OR4E2: variants seen among roughly 807,000 people sequenced by gnomAD.
OR4E2 encodes the protein olfactory receptor 4E2.
A neutral mutation model predicts 11.0 loss-of-function variants in OR4E2; 9 were observed. That is an observed-to-expected ratio of 0.82 (90% CI 0.49 to 1.43). OR4E2 has a LOEUF of 1.43. Ranked by LOEUF, OR4E2 falls within the 40% of genes most tolerant of loss-of-function variation. The probability of loss-of-function intolerance (pLI) is 0.00; values close to 1 mark genes in which losing one functional copy is unlikely to be tolerated. For synonymous variants in OR4E2, 159 were observed against 147.3 expected (o/e 1.08, Z -0.57); for missense variants, 441 against 382.0 (o/e 1.15, Z -1.29).
At chr14:21,659,175 A>G (rs1370350495) in intron 2 of OR4E2, among the ~76,000 whole-genome samples, 2 of 152,012 alleles carry the variant, frequency 1.3e-5, no homozygotes, top group African/African-American at 4.8e-5. Context: ...AGCTAGGACT[A>G]TAGACATGTG....
intron 1 of OR4E2, among the ~76,000 whole-genome samples, chr14:21,654,914 T>C (rs978902465): frequency 1.3e-5 from 2 of 152,170 alleles, no homozygotes; most frequent in African/African-American, 4.8e-5. Context: ...GAAATAGAAT[T>C]CTTTCTTCTT....
In OR4E2 at chr14:21,666,201, A is replaced by G; in HGVS notation, c.*177A>G. 1 of 492,444 alleles carries G rather than the reference A, an allele frequency of 2.0e-6. No individual in the cohort carries two copies. Among genetic ancestry groups the G allele is most frequent in the Non-Finnish European group, 3.6e-6 (1 of 281,170 alleles). The allele number at this position is 492,444 out of a possible 1,614,324, so 30.5% of individuals were successfully genotyped here. On this transcript the variant is annotated 3_prime_UTR_variant, in exon 4 of 4. Coordinates refer to ENST00000641524, the MANE Select transcript of OR4E2 (RefSeq NM_001001912.3). Reference sequence around the variant, plus strand: ...GTTCATTAAAGATAAGAACTTATTAACTATTATTTAAATAAAGCAAAAGAT... The same window carrying G: ...GTTCATTAAAGATAAGAACTTATTAGCTATTATTTAAATAAAGCAAAAGAT...
chr14:21,654,398 GCATGCACACACACA>G (rs762759351), intron 1 of OR4E2, among the ~76,000 whole-genome samples: 13,213 of 141,754 alleles, frequency 0.093, 684 homozygotes, highest in Middle Eastern at 0.15. Flanking sequence ...ACACACACAC[GCATGCACACACACA>G]CATGCACACA....
chr14:21,656,303 T>C (rs1879947115), intron 1 of OR4E2, among the ~76,000 whole-genome samples, 199 bp from the exon 2 acceptor site: 1 of 151,992 alleles, frequency 6.6e-6, no homozygotes, highest in South Asian at 2.1e-4. Context: ...GAGGCTGCAA[T>C]GAGCTGTGAT....
intron 3 of OR4E2, among the ~76,000 whole-genome samples, chr14:21,663,757 C>G (rs945858961): frequency 1.3e-5 from 2 of 152,146 alleles, no homozygotes; most frequent in East Asian, 3.9e-4. Flanking sequence ...GTTTACAGCA[C>G]AGATCGTCAG....
rs1398660161 is a variant in OR4E2, at chr14:21,665,102, C to G, written c.20C>G (p.Thr7Arg). 1 of 1,609,958 alleles carries G rather than the reference C, an allele frequency of 6.2e-7. No homozygotes were observed. The change falls in exon 4 of 4, where the codon ACA becomes AGA. Residue 7 changes from threonine to arginine, a missense_variant. Transcript: ENST00000641524. Reference sequence around the variant, plus strand: ...CATTGAATGGACAGTCTAAACCAAACAAGAGTGACTGAATTTGTCTTCTTG... The same window carrying G: ...CATTGAATGGACAGTCTAAACCAAAGAAGAGTGACTGAATTTGTCTTCTTG... MDSLNQ[T>R]RVTEFVFLGL...
chr14:21,658,678 G>A (rs1437896136), intron 2 of OR4E2, among the ~76,000 whole-genome samples: 3 of 152,170 alleles, frequency 2.0e-5, no homozygotes, highest in Non-Finnish European at 2.9e-5. Flanking sequence ...CTCTTCAGAG[G>A]TATGATTTCA....
At position 21,660,652 on chromosome 14, in the gene OR4E2, G is replaced by A. The variant is rs1185958948; in HGVS notation, c.-102-1G>A. On this transcript the variant is annotated splice_acceptor_variant, in intron 2 of 3. Coordinates refer to ENST00000641524, the MANE Select transcript of OR4E2 (RefSeq NM_001001912.3). LOFTEE classifies it low-confidence loss of function (5UTR_SPLICE). Reference sequence around the variant, plus strand: ...ATCTATTTTTTTTTTTTTTTTTAAAGATGGCATCTCGCTGTGCTGCCTAGG... The same window carrying A: ...ATCTATTTTTTTTTTTTTTTTTAAAAATGGCATCTCGCTGTGCTGCCTAGG... 1 of 145,756 alleles carries A rather than the reference G, an allele frequency of 6.9e-6. No homozygotes were observed. Among genetic ancestry groups the A allele is most frequent in the Admixed American group, 6.9e-5 (1 of 14,546 alleles). The allele number at this position is 145,756 out of a possible 1,614,324, so 9.0% of individuals were successfully genotyped here.
rs764140526 is a variant in OR4E2 at position 21,665,995 on chromosome 14, C to A, written c.913C>A (p.Gln305Lys). Residue 305 changes from glutamine to lysine, a missense_variant, in exon 4 of 4, where the codon CAA (glutamine) becomes AAA (lysine). Gln to Lys is a moderately conservative substitution (Grantham distance 53). Coordinates refer to ENST00000641524, the MANE Select transcript of OR4E2 (RefSeq NM_001001912.3). ...TGCCATGAAGCAGCTCAGGCAGAGACAAGTTTTTTTCACGAAATCATATAC... is the reference window on the plus strand; with the variant it reads ...TGCCATGAAGCAGCTCAGGCAGAGAAAAGTTTTTTTCACGAAATCATATAC... Reference protein sequence around the residue: ...KSAMKQLRQRQVFFTKSYT With the variant: ...KSAMKQLRQRKVFFTKSYT The A allele has an allele frequency of 1.2e-5, 19 of 1,613,778 alleles. No homozygotes were observed. The highest frequency in any genetic ancestry group is 1.4e-5 in the Non-Finnish European group (16 of 1,179,880).
intron 3 of OR4E2, among the ~76,000 whole-genome samples, chr14:21,662,240 A>G (rs982663144): frequency 1.3e-5 from 2 of 152,094 alleles, no homozygotes; most frequent in Admixed American, 6.6e-5. Flanking sequence ...CTATGTTACA[A>G]TATTTTCTTC....
intron 3 of OR4E2, among the ~76,000 whole-genome samples, chr14:21,662,259 CT>C (rs200990735): frequency 2.0e-5 from 3 of 151,398 alleles, no homozygotes; most frequent in South Asian, 2.1e-4. Flanking sequence ...TCACGTCTAC[CT>C]TTTTTTTGAT....
intron 2 of OR4E2, among the ~76,000 whole-genome samples, chr14:21,657,740 G>A (rs10133132): frequency 0.18 from 26,781 of 151,482 alleles, 3,058 homozygotes; most frequent in East Asian, 0.47. Context: ...ATAGGCATGC[G>A]CCACCACGCC....
chr14:21,666,011 A>G lies in OR4E2; in HGVS notation c.929A>G (p.Lys310Arg). ...AGGCAGAGACAAGTTTTTTTCACGAAATCATATACATAATGGGCACTGGGA... is the reference window on the plus strand; with the variant it reads ...AGGCAGAGACAAGTTTTTTTCACGAGATCATATACATAATGGGCACTGGGA... ...QLRQRQVFFT[K>R]SYT Residue 310 changes from lysine to arginine, a missense_variant, in exon 4 of 4, where the codon AAA (lysine) becomes AGA (arginine). Lys to Arg is a conservative substitution (Grantham distance 26). Transcript: ENST00000641524. 6.2e-7 allele frequency: 1 copy of G among 1,612,358 alleles called. No homozygotes were observed. The highest frequency in any genetic ancestry group is 1.7e-4 in the Middle Eastern group (1 of 6,054).
At position 21,664,981 on chromosome 14, in the gene OR4E2, A is replaced by G. The variant is rs916901425; in HGVS notation, c.-8-94A>G. The stretch of plus-strand genomic sequence containing the variant: ...TCATAAGCTATATGCTCTGATGATA[A>G]ATAAGCAATTCAGATAAGAATACAA... On this transcript the variant is annotated intron_variant, in intron 3 of 3. Transcript: ENST00000641524. 4 of 692,014 alleles carry G rather than the reference A, an allele frequency of 5.8e-6. No homozygotes were observed. In the African/African-American group the frequency reaches 7.2e-5, roughly 13 times the overall value. The allele number at this position is 692,014 out of a possible 1,614,324, so 42.9% of individuals were successfully genotyped here.
chr14:21,655,027 T>C (rs904993797), intron 1 of OR4E2, among the ~76,000 whole-genome samples: 12 of 152,180 alleles, frequency 7.9e-5, no homozygotes, highest in Non-Finnish European at 1.6e-4. Flanking sequence ...CTGATATAAA[T>C]ATTAATCACA....
At chr14:21,665,044 C>A in intron 3 of OR4E2, 31 bp from the exon 4 acceptor site, 2 of 1,167,792 alleles carry the variant, frequency 1.7e-6, no homozygotes, top group Non-Finnish European at 2.4e-6. Context: ...AATAATAAAA[C>A]TAAATTAGCT....
At chr14:21,663,801 G>A (rs1472356733) in intron 3 of OR4E2, among the ~76,000 whole-genome samples, 1 of 152,056 alleles carries the variant, frequency 6.6e-6, no homozygotes, top group Non-Finnish European at 1.5e-5. Flanking sequence ...GTGTAGAGTG[G>A]GTCCACGTGT....
intron 2 of OR4E2, among the ~76,000 whole-genome samples, chr14:21,657,184 A>T (rs1006557089): frequency 6.6e-6 from 1 of 152,196 alleles, no homozygotes; most frequent in Non-Finnish European, 1.5e-5. Context: ...GTCAGTGTAC[A>T]GATTAGTTTT....
chr14:21,660,903 G>A (rs1242613802), intron 3 of OR4E2, among the ~76,000 whole-genome samples, 157 bp downstream of exon 3: 2 of 152,150 alleles, frequency 1.3e-5, no homozygotes, highest in Non-Finnish European at 2.9e-5. Flanking sequence ...ATACATATAT[G>A]TGATGAAATG....
Sources: allele counts gnomAD v4.1 joint callset (sites outside exome capture counted in the v4.1 genomes callset), GRCh38; gene constraint gnomAD v4.1.1; transcripts MANE v1.5; gene names NCBI Gene and HGNC (gene_info 2026-07-23, HGNC 2026-07-21).